The following WDR11 variants were observed in gnomAD, a reference collection of about 807,000 sequenced individuals.
The protein encoded by WDR11 is WD repeat domain 11.
WDR11 carries 83 observed loss-of-function variants against 151.2 expected under a neutral mutation model. The ratio of observed to expected loss-of-function variants is 0.55; its 90% CI spans 0.46 to 0.66. WDR11 has a LOEUF of 0.66. Among genes scored for constraint, WDR11 ranks in the 30% least tolerant of loss-of-function variants. The pLI is 0.00. For missense variants in WDR11, 1,301 were observed against 1,480.9 expected (o/e 0.88, Z 1.99); for synonymous variants, 484 against 533.1 (o/e 0.91, Z 1.27).
intron 13 of WDR11, 96 bp downstream of exon 13, chr10:120,880,997 A>G: frequency 9.1e-7 from 1 of 1,094,340 alleles, no homozygotes; most frequent in Non-Finnish European, 1.3e-6. Flanking sequence ...GCTGGAATGC[A>G]TATGGAATCT....
At chr10:120,896,384 T>C (rs1431721073) in intron 19 of WDR11, among the ~76,000 whole-genome samples, 2 of 152,180 alleles carry the variant, frequency 1.3e-5, no homozygotes, top group African/African-American at 2.4e-5. Flanking sequence ...ATCTTTGTTA[T>C]ACAGTTTCAA....
intron 7 of WDR11, among the ~76,000 whole-genome samples, chr10:120,866,013 ATT>A: frequency 6.9e-6 from 1 of 144,324 alleles, no homozygotes; most frequent in African/African-American, 2.5e-5. Context: ...ATTTTTTGGA[ATT>A]TTTTTTTTTT....
chr10:120,908,239 T>TATCA, intron 28 of WDR11: 1 of 368,348 alleles, frequency 2.7e-6, no homozygotes, highest in South Asian at 2.5e-5. Context: ...TCTCCTCTCT[T>TATCA]ATCATTCATC....
At chr10:120,898,377 G>A (rs1847687800) in intron 19 of WDR11, among the ~76,000 whole-genome samples, 1 of 152,130 alleles carries the variant, frequency 6.6e-6, no homozygotes, top group South Asian at 2.1e-4. Context: ...ATATTTAAAA[G>A]TTATCCAATG....
intron 3 of WDR11, 126 bp from the exon 4 acceptor site, chr10:120,859,983 C>T: frequency 1.0e-6 from 1 of 1,002,202 alleles, no homozygotes; most frequent in Non-Finnish European, 1.5e-6. Context: ...ACACACGTCA[C>T]ATTTGGGGCT....
At chr10:120,873,769 A>C in intron 10 of WDR11, 70 bp from the exon 11 acceptor site, 3 of 1,054,826 alleles carry the variant, frequency 2.8e-6, no homozygotes, top group Non-Finnish European at 4.5e-6. Context: ...AAGTCTTGAG[A>C]AAAGACTTTT....
At chr10:120,889,783 C>T (rs1847355068) in intron 17 of WDR11, 112 bp from the exon 18 acceptor site, 1 of 783,464 alleles carries the variant, frequency 1.3e-6, no homozygotes, top group Non-Finnish European at 2.2e-6. Flanking sequence ...GTAAAGGGTT[C>T]TCCCATCATC....
chr10:120,886,684 C>G lies in WDR11; in HGVS notation c.1974-5C>G, dbSNP rs748941446. The G allele has an allele frequency of 2.7e-5, 43 of 1,613,284 alleles. No homozygotes were observed. In the Admixed American group the frequency reaches 6.3e-4, roughly 24 times the overall value. On this transcript the variant is annotated splice_polypyrimidine_tract_variant and splice_region_variant and intron_variant, in intron 15 of 28. Transcript: ENST00000263461. ...ATCTTTATCATATGTTTCACTATCC[C>G]AAAGCTTGCTGCAGGAGGCAGAAAG...
rs369240437 is a variant in WDR11 at position 120,869,133 on chromosome 10, C to T, written c.1294+1964C>T. 1.9e-3 allele frequency among the ~76,000 whole-genome samples: 207 copies of T among 108,864 alleles called. 2 individuals carry two copies. The highest frequency in any genetic ancestry group is 7.0e-3 in the African/African-American group (196 of 28,020). 71.4% of individuals were successfully genotyped at this position (108,864 alleles called of 152,430 possible). A position where few individuals can be genotyped will look rare whatever the true frequency, so the allele number is the denominator to read the frequency against. On this transcript the variant is annotated intron_variant, in intron 9 of 28. Transcript: ENST00000263461. ...TTTTTTTTTTTTTTTTTTTTTGAGA[C>T]GGAGTCTTGCTCTGTCGCCCAGGCT...
Position 120,858,670 on chromosome 10 carries a change from C to G in WDR11, c.226C>G (p.His76Asp), listed in dbSNP as rs1846030653. Residue 76 changes from histidine to aspartate, a missense_variant, in exon 3 of 29, where the codon CAT becomes GAT. Physicochemically the swap from His to Asp is moderately conservative, Grantham distance 81. This residue lies in a region of WDR11 where 692 missense variants were observed against 762.5 expected (regional missense o/e 0.91). Transcript: ENST00000263461. ...TAAATGGGCCAGGGAAAACTATCAC[C>G]ATAACATTGGCTCACCATATTGCTT... ...KVKWARENYHHNIGSPYCLRL... is the reference protein window; with the variant it reads ...KVKWARENYHDNIGSPYCLRL... 1.2e-6 allele frequency: 2 copies of G among 1,614,184 alleles called. No individual in the cohort carries two copies. The highest frequency in any genetic ancestry group is 4.5e-5 in the East Asian group (2 of 44,872).
At position 120,867,678 on chromosome 10, in the gene WDR11, T is replaced by G. The variant is rs545495637; in HGVS notation, c.1294+509T>G. On this transcript the variant is annotated intron_variant, in intron 9 of 28. Transcript: ENST00000263461. ...TTAATTGTGGGTTTTTTTCTTCTGT[T>G]TCATCTCATCAATTGTAAGCATCAC... Among the ~76,000 whole-genome samples, 4 of 152,354 alleles carry G rather than the reference T, an allele frequency of 2.6e-5. No individual in the cohort carries two copies. The South Asian group carries it at 8.3e-4, about 32-fold the overall frequency.
Position 120,883,760 on chromosome 10 carries a change from A to T in WDR11, c.1740-20A>T. The T allele has an allele frequency of 6.2e-7, 1 of 1,610,442 alleles. No homozygotes were observed. Among genetic ancestry groups the T allele is most frequent in the Non-Finnish European group, 8.5e-7 (1 of 1,177,054 alleles). On this transcript the variant is annotated intron_variant, in intron 13 of 28. Coordinates refer to ENST00000263461, the MANE Select transcript of WDR11 (RefSeq NM_018117.12). ...AATTTTTGCAAAAAGGGGCTTATTT[A>T]GTAATTTTGTTTATTTTAGGCAGTA... is the stretch of plus-strand genomic sequence containing the variant.
At chr10:120,896,185 A>C (rs1847607956) in intron 19 of WDR11, among the ~76,000 whole-genome samples, 1 of 152,166 alleles carries the variant, frequency 6.6e-6, no homozygotes, top group Non-Finnish European at 1.5e-5. Context: ...GTAAGTGAAA[A>C]ATGCAAGTGT....
Position 120,867,126 on chromosome 10 carries a change from G to A in WDR11, c.1251G>A (p.Val417=). ...CTTTCTGTGGAATTCCTGTAGGAGT[G>A]CTACAGAATAAACTCCCAGACCTTT... ...PVSFCGIPVG[V]LQNKLPDLSL... The change falls in exon 9 of 29, where the codon GTG becomes GTA. Residue 417 remains valine (V), a synonymous_variant. Coordinates refer to ENST00000263461, the MANE Select transcript of WDR11 (RefSeq NM_018117.12). 1 of 1,613,838 alleles carries A rather than the reference G, an allele frequency of 6.2e-7. No homozygotes were observed. The highest frequency in any genetic ancestry group is 8.5e-7 in the Non-Finnish European group (1 of 1,179,894).
intron 19 of WDR11, among the ~76,000 whole-genome samples, chr10:120,895,574 A>G (rs539067718): frequency 6.6e-6 from 1 of 152,322 alleles, no homozygotes; most frequent in Non-Finnish European, 1.5e-5. Flanking sequence ...TTCAATAAGC[A>G]AAGCCAAATA....
chr10:120,898,207 TATTC>T (rs1346806083), intron 19 of WDR11, among the ~76,000 whole-genome samples: 1 of 152,228 alleles, frequency 6.6e-6, no homozygotes, highest in Non-Finnish European at 1.5e-5. Flanking sequence ...TTTTTAAAAT[TATTC>T]ATTCTTCAAA....
intron 2 of WDR11, among the ~76,000 whole-genome samples, chr10:120,854,041 G>A (rs1205799492): frequency 6.6e-6 from 1 of 152,132 alleles, no homozygotes; most frequent in Non-Finnish European, 1.5e-5. Flanking sequence ...GCTTTATTGA[G>A]ATACTCATAC....
chr10:120,881,569 T>C (rs1017032469), intron 13 of WDR11, among the ~76,000 whole-genome samples: 1 of 152,196 alleles, frequency 6.6e-6, no homozygotes, highest in Admixed American at 6.5e-5. Flanking sequence ...CAGCAATATT[T>C]TGTAGTTTTC....
chr10:120,889,760 C>T lies in WDR11; in HGVS notation c.2229-135C>T, dbSNP rs1847353920. ...AGGCCCTTTCTGTCAGATGTGGCCC[C>T]CAGTCCCAGCAAGTAAAGGGTTCTC... is the stretch of plus-strand genomic sequence containing the variant. On this transcript the variant is annotated intron_variant, in intron 17 of 28. Transcript: ENST00000263461. The T allele has an allele frequency of 4.2e-6, 3 of 718,368 alleles. No homozygotes were observed. The South Asian group carries it at 4.6e-5, about 11-fold the overall frequency. 44.5% of individuals were successfully genotyped at this position (718,368 alleles called of 1,614,324 possible). A position where few individuals can be genotyped will look rare whatever the true frequency, so the allele number is the denominator to read the frequency against.
Sources: allele counts gnomAD v4.1 joint callset (sites outside exome capture counted in the v4.1 genomes callset), GRCh38; gene constraint gnomAD v4.1.1; regional missense constraint gnomAD v4.1.1; transcripts MANE v1.5; gene names NCBI Gene and HGNC (gene_info 2026-07-23, HGNC 2026-07-21).